The following LHFPL3 variants were observed in gnomAD, a reference collection of about 807,000 sequenced individuals.
LHFPL3 encodes the protein LHFPL tetraspan subfamily member 3 protein.
A neutral mutation model predicts 19.3 loss-of-function variants in LHFPL3; 5 were observed. The observed-to-expected ratio is 0.26, with a 90% CI of 0.14 to 0.54. LHFPL3 has a LOEUF of 0.54. LHFPL3 is among the 20% of genes least tolerant of loss of function. The probability of loss-of-function intolerance (pLI) is 0.94; values close to 1 mark genes in which losing one functional copy is unlikely to be tolerated. For synonymous variants in LHFPL3, 133 were observed against 126.2 expected (o/e 1.05, Z -0.36); for missense variants, 249 against 307.4 (o/e 0.81, Z 1.42).
At chr7:104,684,642 C>T (rs910911873) in intron 1 of LHFPL3, among the ~76,000 whole-genome samples, 2 of 152,236 alleles carry the variant, frequency 1.3e-5, no homozygotes, top group Non-Finnish European at 2.9e-5. Flanking sequence ...CTCTGGTCTT[C>T]TGTCCCACTG....
At chr7:104,463,853 G>T (rs974187461) in intron 1 of LHFPL3, among the ~76,000 whole-genome samples, 9 of 152,088 alleles carry the variant, frequency 5.9e-5, no homozygotes, top group Non-Finnish European at 1.3e-4. Flanking sequence ...AAACCATATT[G>T]TCCGTCCCCA....
intron 1 of LHFPL3, among the ~76,000 whole-genome samples, chr7:104,426,992 T>C (rs1791860004): frequency 6.6e-6 from 1 of 152,164 alleles, no homozygotes; most frequent in South Asian, 2.1e-4. Flanking sequence ...ATGAATAAAA[T>C]TGAATTAATA....
At chr7:104,443,911 A>C (rs1469006365) in intron 1 of LHFPL3, among the ~76,000 whole-genome samples, 1 of 152,232 alleles carries the variant, frequency 6.6e-6, no homozygotes, top group Non-Finnish European at 1.5e-5. Context: ...TAAAAAGATG[A>C]TTTATCAAAG....
At chr7:104,559,438 A>G (rs1032871716) in intron 1 of LHFPL3, among the ~76,000 whole-genome samples, 5 of 149,278 alleles carry the variant, frequency 3.3e-5, no homozygotes, top group Non-Finnish European at 7.4e-5. Context: ...TTCTCTTTGA[A>G]GCAATTGTGA....
At chr7:104,847,570 G>C (rs2116606371) in intron 2 of LHFPL3, among the ~76,000 whole-genome samples, 1 of 152,296 alleles carries the variant, frequency 6.6e-6, no homozygotes, top group African/African-American at 2.4e-5. Flanking sequence ...GAGTGCAGTG[G>C]CACGATCTCA....
chr7:104,713,457 T>C (rs1325066570), intron 1 of LHFPL3, among the ~76,000 whole-genome samples: 1 of 152,118 alleles, frequency 6.6e-6, no homozygotes, highest in Non-Finnish European at 1.5e-5. Context: ...ATGTCTTACA[T>C]GGCCAGAGCA....
At chr7:104,481,962 C>G (rs1793145064) in intron 1 of LHFPL3, among the ~76,000 whole-genome samples, 1 of 152,174 alleles carries the variant, frequency 6.6e-6, no homozygotes, top group South Asian at 2.1e-4. Flanking sequence ...ATTCCCCCTT[C>G]CACTCCGTGA....
At chr7:104,828,365 A>G (rs1790866262) in intron 2 of LHFPL3, among the ~76,000 whole-genome samples, 1 of 151,962 alleles carries the variant, frequency 6.6e-6, no homozygotes, top group Non-Finnish European at 1.5e-5. Flanking sequence ...ATTCACAAGA[A>G]AAAAGGTCCA....
intron 1 of LHFPL3, among the ~76,000 whole-genome samples, chr7:104,375,890 T>C (rs7798145): frequency 0.028 from 4,340 of 152,330 alleles, 249 homozygotes; most frequent in African/African-American, 0.099. Flanking sequence ...GGTTTTGCAT[T>C]AATCTTTTCC....
At chr7:104,704,571 C>G (rs1245085374) in intron 1 of LHFPL3, among the ~76,000 whole-genome samples, 1 of 151,304 alleles carries the variant, frequency 6.6e-6, no homozygotes, top group Non-Finnish European at 1.5e-5. Context: ...AAGAGTGATT[C>G]CTGCATATCC....
chr7:104,855,321 C>T (rs936454474), intron 2 of LHFPL3, among the ~76,000 whole-genome samples: 7 of 152,192 alleles, frequency 4.6e-5, no homozygotes, highest in African/African-American at 1.2e-4. Flanking sequence ...CCCCTGCAGA[C>T]TGATGGGCCT....
At chr7:104,567,370 AG>A (rs1156601735) in intron 1 of LHFPL3, among the ~76,000 whole-genome samples, 1 of 152,134 alleles carries the variant, frequency 6.6e-6, no homozygotes, top group Non-Finnish European at 1.5e-5. Flanking sequence ...CTTCTTCAGG[AG>A]GTGCCAAGGC....
chr7:104,379,125 G>T (rs150357935), intron 1 of LHFPL3, among the ~76,000 whole-genome samples: 1 of 152,174 alleles, frequency 6.6e-6, no homozygotes, highest in Non-Finnish European at 1.5e-5. Context: ...AAGAAATATT[G>T]CCAGATGGCC....
chr7:104,606,527 T>C (rs147625948), intron 1 of LHFPL3, among the ~76,000 whole-genome samples: 13 of 152,252 alleles, frequency 8.5e-5, no homozygotes, highest in African/African-American at 3.1e-4. Context: ...GTGAAGATAA[T>C]GATAATACCA....
At chr7:104,477,036 G>T (rs557210375) in intron 1 of LHFPL3, among the ~76,000 whole-genome samples, 1 of 152,060 alleles carries the variant, frequency 6.6e-6, no homozygotes, top group African/African-American at 2.4e-5. Context: ...TCTTACCCAG[G>T]CTGGAATGTA....
At chr7:104,806,784 C>A (rs1480531452) in intron 2 of LHFPL3, among the ~76,000 whole-genome samples, 1 of 152,140 alleles carries the variant, frequency 6.6e-6, no homozygotes, top group Non-Finnish European at 1.5e-5. Flanking sequence ...AAAGGGAACC[C>A]AACAAAGTCT....
chr7:104,456,534 A>G (rs939651040), intron 1 of LHFPL3, among the ~76,000 whole-genome samples: 12 of 152,202 alleles, frequency 7.9e-5, no homozygotes, highest in African/African-American at 2.7e-4. Flanking sequence ...CTACAGTTAC[A>G]TGGATGGAAG....
At chr7:104,524,464 A>G (rs914023621) in intron 1 of LHFPL3, among the ~76,000 whole-genome samples, 5 of 152,092 alleles carry the variant, frequency 3.3e-5, no homozygotes, top group African/African-American at 1.2e-4. Flanking sequence ...CATCAGTGAA[A>G]CCATCTGCTT....
At chr7:104,775,438 A>G (rs901035642) in intron 2 of LHFPL3, among the ~76,000 whole-genome samples, 10 of 152,226 alleles carry the variant, frequency 6.6e-5, no homozygotes, top group Admixed American at 1.3e-4. Flanking sequence ...TTTAAAGTCT[A>G]TTAATCAAAC....
Sources: gnomAD v4.1 joint callset for allele counts (sites outside exome capture counted in the v4.1 genomes callset) on GRCh38, gnomAD v4.1.1 for gene constraint, MANE v1.5 for transcripts, NCBI Gene and HGNC (gene_info 2026-07-23, HGNC 2026-07-21) for gene names.